CSMD1: variants seen among roughly 807,000 people sequenced by gnomAD.
CSMD1 encodes the protein CUB and Sushi multiple domains 1.
In CSMD1, 213 loss-of-function variants were observed where a neutral mutation model predicts 417.5. That is an observed-to-expected ratio of 0.51 (90% CI 0.46 to 0.57). CSMD1 has a LOEUF of 0.57. CSMD1 is among the 20% of genes least tolerant of loss of function. CSMD1 has a pLI of 0.00. For missense variants in CSMD1, 6,923 were observed against 4,529.7 expected (o/e 1.53, Z -15.17); for synonymous variants, 2,862 against 1,736.8 (o/e 1.65, Z -16.11).
intron 2 of CSMD1, among the ~76,000 whole-genome samples, chr8:4,428,710 T>A (rs1317950414): frequency 2.6e-5 from 4 of 152,078 alleles, no homozygotes; most frequent in African/African-American, 9.7e-5. Context: ...TAAATTTGGT[T>A]ATTTTGTGTA....
chr8:4,976,958 G>A (rs1033757296), intron 1 of CSMD1, among the ~76,000 whole-genome samples: 2 of 152,200 alleles, frequency 1.3e-5, no homozygotes, highest in African/African-American at 4.8e-5. Context: ...GAGGGCAGAT[G>A]CTGTTGTCTT....
At chr8:3,388,122 T>C (rs1423162801) in intron 17 of CSMD1, among the ~76,000 whole-genome samples, 1 of 152,198 alleles carries the variant, frequency 6.6e-6, no homozygotes, top group Admixed American at 6.5e-5. Context: ...AACTTTCAAA[T>C]AAATGCATAC....
At chr8:4,752,553 G>A (rs563999651) in intron 1 of CSMD1, among the ~76,000 whole-genome samples, 1 of 152,134 alleles carries the variant, frequency 6.6e-6, no homozygotes, top group Non-Finnish European at 1.5e-5. Context: ...TCTGTACCCA[G>A]ATGCACAGAG....
At chr8:3,263,288 G>A (rs557210364) in intron 26 of CSMD1, among the ~76,000 whole-genome samples, 1 of 152,194 alleles carries the variant, frequency 6.6e-6, no homozygotes, top group African/African-American at 2.4e-5. Context: ...TAGATAAAAT[G>A]GGGTTTCACC....
At chr8:4,325,228 T>A (rs766775611) in intron 3 of CSMD1, among the ~76,000 whole-genome samples, 2 of 152,210 alleles carry the variant, frequency 1.3e-5, no homozygotes, top group Non-Finnish European at 1.5e-5. Flanking sequence ...GGGATTCCCC[T>A]GAACCAGGAA....
intron 5 of CSMD1, among the ~76,000 whole-genome samples, chr8:3,925,670 C>T (rs978369122): frequency 6.6e-6 from 1 of 151,800 alleles, no homozygotes; most frequent in African/African-American, 2.4e-5. Flanking sequence ...CTTTTGCCTC[C>T]TCCTCATTTT....
chr8:4,128,215 C>T (rs1217933487), intron 3 of CSMD1, among the ~76,000 whole-genome samples: 2 of 152,076 alleles, frequency 1.3e-5, no homozygotes, highest in African/African-American at 2.4e-5. Flanking sequence ...AGCAGCTCCT[C>T]CTTGAAAGGC....
At chr8:4,291,720 A>G (rs763249076) in intron 3 of CSMD1, among the ~76,000 whole-genome samples, 5 of 152,238 alleles carry the variant, frequency 3.3e-5, no homozygotes, top group Non-Finnish European at 7.3e-5. Flanking sequence ...AACCCAGTCT[A>G]ATCAGTTATA....
chr8:3,724,256 G>C (rs1392943644), intron 6 of CSMD1, among the ~76,000 whole-genome samples: 1 of 151,590 alleles, frequency 6.6e-6, no homozygotes, highest in Non-Finnish European at 1.5e-5. Context: ...GTGCAGGTTA[G>C]TTACATATGT....
At position 4,702,156 on chromosome 8, in the gene CSMD1, G is replaced by A. The variant is rs181420276; in HGVS notation, c.86-64598C>T. Among the ~76,000 whole-genome samples the A allele has an allele frequency of 1.1e-4, 17 of 152,250 alleles. No homozygotes were observed. The Middle Eastern group carries it at 0.017, about 152-fold the overall frequency. On this transcript the variant is annotated intron_variant, in intron 1 of 69. Transcript: ENST00000635120. ...GCACTAGGAAAAATAGCTAATGAAT[G>A]CTGGGCTTAATACCTAGGTGATGGG...
Position 4,420,042 on chromosome 8 carries a change from G to C in CSMD1, c.326C>G (p.Ser109Cys), listed in dbSNP as rs928559251. ...KVRLSGFQLP[S>C]SIVSTGSILT... ...GATAGATCCTGTACTCACTATAGAG[G>C]AGGGCAGCTGAAATCCCGATAATCT... Residue 109 changes from serine (S) to cysteine (C), a missense_variant, in exon 3 of 70, where the codon TCC becomes TGC. Physicochemically the swap from Ser to Cys is moderately radical, Grantham distance 112. Transcript: ENST00000635120. 8.3e-6 allele frequency: 13 copies of C among 1,572,524 alleles called. No homozygotes were observed. Among genetic ancestry groups the C allele is most frequent in the Non-Finnish European group, 1.1e-5 (13 of 1,157,386 alleles).
At chr8:4,470,454 G>A (rs548908830) in intron 2 of CSMD1, among the ~76,000 whole-genome samples, 1 of 152,172 alleles carries the variant, frequency 6.6e-6, no homozygotes, top group Non-Finnish European at 1.5e-5. Context: ...AGACAGGTTG[G>A]GGTCATGGTC....
At chr8:3,889,299 G>A (rs1487872301) in intron 5 of CSMD1, among the ~76,000 whole-genome samples, 2 of 150,784 alleles carry the variant, frequency 1.3e-5, no homozygotes, top group African/African-American at 4.9e-5. Flanking sequence ...TTTTTCAGAG[G>A]TTAAAAGGAA....
At chr8:4,321,213 G>C (rs930760158) in intron 3 of CSMD1, among the ~76,000 whole-genome samples, 1 of 152,180 alleles carries the variant, frequency 6.6e-6, no homozygotes. Flanking sequence ...TCCAGTGCAT[G>C]AACACGTTCA....
chr8:4,216,100 T>A (rs1315773125), intron 3 of CSMD1, among the ~76,000 whole-genome samples: 2 of 152,170 alleles, frequency 1.3e-5, no homozygotes, highest in Admixed American at 6.5e-5. Context: ...TGGCATGCAG[T>A]CCTCTTCTCA....
At chr8:3,547,285 C>T (rs992099404) in intron 10 of CSMD1, among the ~76,000 whole-genome samples, 5 of 152,238 alleles carry the variant, frequency 3.3e-5, no homozygotes, top group Admixed American at 1.3e-4. Flanking sequence ...AAGTCATACT[C>T]GACAAGAAAA....
intron 3 of CSMD1, among the ~76,000 whole-genome samples, chr8:4,269,199 G>C (rs944214423): frequency 6.6e-6 from 1 of 152,054 alleles, no homozygotes; most frequent in East Asian, 1.9e-4. Context: ...TGGGACTACA[G>C]ACCCGAGCCA....
intron 47 of CSMD1, among the ~76,000 whole-genome samples, chr8:3,092,043 T>C (rs1377066947): frequency 6.6e-6 from 1 of 152,168 alleles, no homozygotes. Flanking sequence ...TAGAATCACT[T>C]TGGAGGGCTG....
At chr8:3,493,847 TC>T in intron 10 of CSMD1, 121 bp from the exon 11 acceptor site, 1 of 662,976 alleles carries the variant, frequency 1.5e-6, no homozygotes, top group Non-Finnish European at 2.6e-6. Flanking sequence ...TGTCAAATGA[TC>T]CCAGAGCTGC....
Sources: gnomAD v4.1 joint callset for allele counts (sites outside exome capture counted in the v4.1 genomes callset) on GRCh38, gnomAD v4.1.1 for gene constraint, MANE v1.5 for transcripts, NCBI Gene and HGNC (gene_info 2026-07-23, HGNC 2026-07-21) for gene names.